The following PPP6R3 variants were observed in gnomAD, a reference collection of about 807,000 sequenced individuals.
PPP6R3 encodes serine/threonine-protein phosphatase 6 regulatory subunit 3.
PPP6R3 carries 38 observed loss-of-function variants against 110.7 expected under a neutral mutation model. That is an observed-to-expected ratio of 0.34 (90% CI 0.26 to 0.45). The LOEUF is 0.45. Ranked by LOEUF, PPP6R3 falls within the 20% of genes least tolerant of loss-of-function variation. PPP6R3 has a pLI of 1.00. For synonymous variants in PPP6R3, 369 were observed against 373.5 expected (o/e 0.99, Z 0.14); for missense variants, 870 against 1,062.4 (o/e 0.82, Z 2.52).
chr11:68,566,387 T>C (rs1396492412), intron 9 of PPP6R3, among the ~76,000 whole-genome samples: 1 of 151,834 alleles, frequency 6.6e-6, no homozygotes, highest in East Asian at 1.9e-4. Context: ...TTTGAGACAG[T>C]GTCTCACTCT....
At chr11:68,576,506 A>G (rs2099532080) in intron 14 of PPP6R3, among the ~76,000 whole-genome samples, 1 of 152,220 alleles carries the variant, frequency 6.6e-6, no homozygotes, top group African/African-American at 2.4e-5. Flanking sequence ...GATGACTTTG[A>G]AACCCCAGCT....
Position 68,547,960 on chromosome 11 carries a change from A to G in PPP6R3, c.415-107A>G, listed in dbSNP as rs897476446. On this transcript the variant is annotated intron_variant, in intron 4 of 23. Transcript: ENST00000393800. ...CTAATTCAGCATTTGCCATTTCTCAACCTAAAGTAGTGGTAGAATTTGGAG... is the reference window on the plus strand; with the variant it reads ...CTAATTCAGCATTTGCCATTTCTCAGCCTAAAGTAGTGGTAGAATTTGGAG... 22 of 1,190,376 alleles carry G rather than the reference A, an allele frequency of 1.8e-5. No individual in the cohort carries two copies. In the South Asian group the frequency reaches 3.1e-4, roughly 17 times the overall value. The allele number at this position is 1,190,376 out of a possible 1,614,324, so 73.7% of individuals were successfully genotyped here. A position where few individuals can be genotyped will look rare whatever the true frequency, so the allele number is the denominator to read the frequency against.
At chr11:68,539,484 C>G (rs2099297464) in intron 3 of PPP6R3, among the ~76,000 whole-genome samples, 1 of 152,236 alleles carries the variant, frequency 6.6e-6, no homozygotes, top group South Asian at 2.1e-4. Context: ...CCTCTGGACA[C>G]AGCCTTCTGC....
chr11:68,491,076 C>T (rs1374890928), intron 1 of PPP6R3, among the ~76,000 whole-genome samples: 2 of 151,936 alleles, frequency 1.3e-5, no homozygotes, highest in African/African-American at 4.8e-5. Flanking sequence ...GTCCCAGCTA[C>T]TTTTTGGGGC....
intron 1 of PPP6R3, among the ~76,000 whole-genome samples, chr11:68,470,489 G>A (rs1335449157): frequency 6.6e-6 from 1 of 152,064 alleles, no homozygotes; most frequent in Non-Finnish European, 1.5e-5. Context: ...TGGGGGGAGG[G>A]CGTAGGTCAC....
chr11:68,539,472 C>T (rs2099297339), intron 3 of PPP6R3, among the ~76,000 whole-genome samples: 1 of 152,186 alleles, frequency 6.6e-6, no homozygotes, highest in South Asian at 2.1e-4. Context: ...GCAAATGCAC[C>T]TCCTCTGGAC....
chr11:68,537,641 T>C lies in PPP6R3; in HGVS notation c.-6-18T>C, dbSNP rs2099277763. The C allele has an allele frequency of 2.1e-6, 3 of 1,412,210 alleles. No homozygotes were observed. Among genetic ancestry groups the C allele is most frequent in the Middle Eastern group, 4.1e-4 (2 of 4,836 alleles). 87.5% of individuals were successfully genotyped at this position (1,412,210 alleles called of 1,614,324 possible). A position where few individuals can be genotyped will look rare whatever the true frequency, so the allele number is the denominator to read the frequency against. On this transcript the variant is annotated intron_variant, in intron 2 of 23. Transcript: ENST00000393800. ...GTAAAGTTGAAATTTTATGAAATAC[T>C]TTCTGCATTTTGTTTAGACCAGCAT...
chr11:68,564,944 A>G (rs185703016), intron 9 of PPP6R3, among the ~76,000 whole-genome samples: 1 of 152,278 alleles, frequency 6.6e-6, no homozygotes, highest in East Asian at 1.9e-4. Context: ...GACCCACAAG[A>G]GTTTTGTCAG....
chr11:68,528,616 T>C lies in PPP6R3; in HGVS notation c.-7+8965T>C, dbSNP rs567746033. Among the ~76,000 whole-genome samples the C allele has an allele frequency of 3.5e-3, 539 of 152,210 alleles. 3 individuals carry two copies. The highest frequency in any genetic ancestry group is 6.5e-3 in the Non-Finnish European group (439 of 68,018). ...CTGCCCCTTCTTGTGAAAATTTCCC[T>C]GGGCATTGAGCTTTGCTGTCAGGGG... On this transcript the variant is annotated intron_variant, in intron 2 of 23. Transcript: ENST00000393800.
At chr11:68,532,761 C>T (rs552616568) in intron 2 of PPP6R3, among the ~76,000 whole-genome samples, 17 of 152,278 alleles carry the variant, frequency 1.1e-4, no homozygotes, top group African/African-American at 4.1e-4. Flanking sequence ...TGTTCAGATA[C>T]ACAAGTACTT....
At chr11:68,587,429 T>C (rs2099582250) in intron 15 of PPP6R3, 1 of 159,536 alleles carries the variant, frequency 6.3e-6, no homozygotes, top group Non-Finnish European at 1.4e-5. Context: ...CCCTGAACAT[T>C]TTGTTTCTAG....
intron 20 of PPP6R3, among the ~76,000 whole-genome samples, chr11:68,601,306 C>T (rs575946472): frequency 1.3e-4 from 20 of 152,234 alleles, no homozygotes; most frequent in African/African-American, 4.1e-4. Flanking sequence ...TCTGTGTGCA[C>T]GTCTCTGAGT....
chr11:68,505,572 T>C (rs192245904), intron 1 of PPP6R3, among the ~76,000 whole-genome samples: 2 of 152,332 alleles, frequency 1.3e-5, no homozygotes, highest in Admixed American at 1.3e-4. Flanking sequence ...TAGAACTTTG[T>C]ATTAGGTTGG....
chr11:68,600,343 C>T lies in PPP6R3; in HGVS notation c.2041C>T (p.Pro681Ser). 6.2e-7 allele frequency: 1 copy of T among 1,613,532 alleles called. No individual in the cohort carries two copies. Among genetic ancestry groups the T allele is most frequent in the Non-Finnish European group, 8.5e-7 (1 of 1,179,568 alleles). Reference sequence around the variant, plus strand: ...TAGAATTTCTCCCCTCTTTTTAGCACCCAACTGGTCAGCTAACTTTGATGT... The same window carrying T: ...TAGAATTTCTCCCCTCTTTTTAGCATCCAACTGGTCAGCTAACTTTGATGT... Reference protein sequence around the residue: ...DKMEVDLSEPPNWSANFDVPM... With the variant: ...DKMEVDLSEPSNWSANFDVPM... The change falls in exon 20 of 24, where the codon CCC becomes TCC. Residue 681 changes from proline (P) to serine (S), a missense_variant and splice_region_variant. By Grantham distance (74) the Pro-to-Ser change is moderately conservative. Transcript: ENST00000393800.
intron 18 of PPP6R3, among the ~76,000 whole-genome samples, chr11:68,592,558 G>A (rs2099598834): frequency 6.6e-6 from 1 of 152,138 alleles, no homozygotes; most frequent in African/African-American, 2.4e-5. Flanking sequence ...CAGACTCAGC[G>A]GTGGCTTGAG....
intron 10 of PPP6R3, among the ~76,000 whole-genome samples, chr11:68,567,829 TG>T (rs2099484563): frequency 6.6e-6 from 1 of 152,050 alleles, no homozygotes; most frequent in Admixed American, 6.5e-5. Flanking sequence ...GGGGGAGATG[TG>T]GGGGTGTTTC....
intron 1 of PPP6R3, among the ~76,000 whole-genome samples, chr11:68,471,588 G>C (rs1484531804): frequency 1.3e-5 from 2 of 152,146 alleles, no homozygotes; most frequent in East Asian, 3.8e-4. Flanking sequence ...AGCCTGGAAG[G>C]GAGCATTCAC....
At chr11:68,476,067 C>T (rs927393586) in intron 1 of PPP6R3, among the ~76,000 whole-genome samples, 56 of 152,052 alleles carry the variant, frequency 3.7e-4, no homozygotes, top group Non-Finnish European at 6.3e-4. Context: ...GGGTGGCGGC[C>T]GGGCAGAGGC....
chr11:68,533,884 G>A (rs1225415969), intron 2 of PPP6R3, among the ~76,000 whole-genome samples: 2 of 152,128 alleles, frequency 1.3e-5, no homozygotes, highest in Non-Finnish European at 2.9e-5. Flanking sequence ...GAGCACACGG[G>A]CTCTGCTACA....
Sources: allele counts gnomAD v4.1 joint callset (sites outside exome capture counted in the v4.1 genomes callset), GRCh38; gene constraint gnomAD v4.1.1; transcripts MANE v1.5; gene names NCBI Gene and HGNC (gene_info 2026-07-23, HGNC 2026-07-21).